PTPRD: variants seen among roughly 807,000 people sequenced by gnomAD.
PTPRD encodes the protein protein tyrosine phosphatase receptor type D.
Under a neutral mutation model 214.5 loss-of-function variants are expected in PTPRD, and 34 were observed. The ratio of observed to expected loss-of-function variants is 0.16; its 90% CI spans 0.12 to 0.21. The LOEUF (loss-of-function observed/expected upper bound fraction) is 0.21. Among genes scored for constraint, PTPRD ranks in the 10% least tolerant of loss-of-function variants. The pLI is 1.00. For missense variants in PTPRD, 2,545 were observed against 2,398.7 expected (o/e 1.06, Z -1.27); for synonymous variants, 1,128 against 845.7 (o/e 1.33, Z -5.79).
At chr9:8,836,300 A>G (rs779483973) in intron 11 of PTPRD, among the ~76,000 whole-genome samples, 1 of 152,178 alleles carries the variant, frequency 6.6e-6, no homozygotes, top group Non-Finnish European at 1.5e-5. Context: ...AGCAAACTAC[A>G]AGATATGCTC....
At chr9:10,437,366 G>A (rs2098726619) in intron 2 of PTPRD, among the ~76,000 whole-genome samples, 1 of 151,808 alleles carries the variant, frequency 6.6e-6, no homozygotes. Context: ...TCCCTCCTGA[G>A]TTTCCAGATA....
chr9:9,238,493 A>T (rs1174466772), intron 9 of PTPRD, among the ~76,000 whole-genome samples: 1 of 152,148 alleles, frequency 6.6e-6, no homozygotes, highest in Admixed American at 6.6e-5. Context: ...GGCCTCGGGC[A>T]TCTGATTCGG....
intron 10 of PTPRD, among the ~76,000 whole-genome samples, chr9:9,078,434 G>A (rs138656641): frequency 6.6e-6 from 1 of 152,174 alleles, no homozygotes; most frequent in African/African-American, 2.4e-5. Context: ...TCATATGTTT[G>A]TTATGAGGCA....
chr9:9,768,558 A>G (rs1012351464), intron 5 of PTPRD, among the ~76,000 whole-genome samples: 12 of 152,104 alleles, frequency 7.9e-5, no homozygotes, highest in Non-Finnish European at 7.4e-5. Flanking sequence ...AGAGAAATCA[A>G]AGTAAAAATG....
At chr9:9,750,430 C>G (rs556833319) in intron 6 of PTPRD, among the ~76,000 whole-genome samples, 1 of 152,230 alleles carries the variant, frequency 6.6e-6, no homozygotes, top group Admixed American at 6.5e-5. Context: ...TGCCTCTACC[C>G]CACATTCTCT....
rs1279336064 is a variant in PTPRD at position 10,231,985 on chromosome 9, AGAGAGTGT to A, written c.-545+108970_-545+108977del. Among the ~76,000 whole-genome samples the A allele has an allele frequency of 2.2e-3, 215 of 96,204 alleles. 2 individuals carry two copies. The South Asian group carries it at 0.037, about 16-fold the overall frequency. 63.1% of individuals were successfully genotyped at this position (96,204 alleles called of 152,430 possible). The stretch of plus-strand genomic sequence containing the variant: ...GAGAGAGAGAGAGAGAGAGAGAGAG[AGAGAGTGT>A]GTGTGTGTGTGTGTGTGTGTGTGTG... On this transcript the variant is annotated intron_variant, in intron 3 of 45. Coordinates refer to ENST00000381196, the MANE Select transcript of PTPRD (RefSeq NM_002839.4).
chr9:9,330,023 G>A (rs1012565101), intron 9 of PTPRD, among the ~76,000 whole-genome samples: 3 of 152,158 alleles, frequency 2.0e-5, no homozygotes, highest in Admixed American at 2.0e-4. Flanking sequence ...GACTAAACAG[G>A]CTTGACTAAA....
chr9:9,036,610 G>T (rs190573268), intron 10 of PTPRD, among the ~76,000 whole-genome samples: 145 of 152,258 alleles, frequency 9.5e-4, no homozygotes, highest in East Asian at 6.9e-3. Flanking sequence ...GTTAATAGAG[G>T]AAACTGAGTA....
intron 11 of PTPRD, among the ~76,000 whole-genome samples, chr9:8,936,427 C>CA (rs1181403459): frequency 0.29 from 9,190 of 31,630 alleles, 1,123 homozygotes; most frequent in Non-Finnish European, 0.35. Flanking sequence ...ACCCTGCCTC[C>CA]AAAAAAAAAA....
At position 9,828,300 on chromosome 9, in the gene PTPRD, T is replaced by C. The variant is rs1389520635; in HGVS notation, c.-367-61449A>G. Among the ~76,000 whole-genome samples the C allele has an allele frequency of 3.9e-5, 6 of 152,238 alleles. No homozygotes were observed. In the South Asian group the frequency reaches 8.3e-4, roughly 21 times the overall value. ...CTGGATTAAGAAAATGTGGCACATA[T>C]ACATCATGGAATACTATGCAGCCAT... On this transcript the variant is annotated intron_variant, in intron 5 of 45. Coordinates refer to ENST00000381196, the MANE Select transcript of PTPRD (RefSeq NM_002839.4).
intron 4 of PTPRD, among the ~76,000 whole-genome samples, chr9:10,032,896 T>C (rs944022610): frequency 4.6e-5 from 7 of 152,022 alleles, no homozygotes; most frequent in Non-Finnish European, 7.4e-5. Flanking sequence ...CATGATTTTA[T>C]AGCAATGTAT....
intron 9 of PTPRD, among the ~76,000 whole-genome samples, chr9:9,353,346 T>C (rs368187347): frequency 1.3e-4 from 19 of 151,990 alleles, no homozygotes; most frequent in Non-Finnish European, 2.4e-4. Context: ...AACAGAACTA[T>C]TGAACTACAG....
chr9:8,884,953 A>G (rs1163201743), intron 11 of PTPRD, among the ~76,000 whole-genome samples: 1 of 152,178 alleles, frequency 6.6e-6, no homozygotes, highest in African/African-American at 2.4e-5. Flanking sequence ...TCCAGTGAGG[A>G]TGATGTAAAG....
At chr9:9,941,637 AT>A in intron 4 of PTPRD, among the ~76,000 whole-genome samples, 1 of 152,304 alleles carries the variant, frequency 6.6e-6, no homozygotes, top group East Asian at 1.9e-4. Context: ...GTGTATATCT[AT>A]AATAAATTTG....
chr9:9,124,290 A>G (rs1304071041), intron 10 of PTPRD, among the ~76,000 whole-genome samples: 2 of 152,196 alleles, frequency 1.3e-5, no homozygotes, highest in Non-Finnish European at 2.9e-5. Context: ...ATTAAGTGTT[A>G]CTTACATATA....
intron 5 of PTPRD, among the ~76,000 whole-genome samples, chr9:9,878,614 G>A (rs76904675): frequency 0.041 from 6,224 of 152,192 alleles, 367 homozygotes; most frequent in African/African-American, 0.14. Flanking sequence ...TAAGTCCTGC[G>A]TACATTGCTG....
chr9:10,232,030 G>GTGTGTGTGA (rs1554905856), intron 3 of PTPRD, among the ~76,000 whole-genome samples: 1 of 135,516 alleles, frequency 7.4e-6, no homozygotes. Context: ...GTGTGTGTGA[G>GTGTGTGTGA]GTGCACTCTG....
At chr9:9,299,729 A>T (rs1407459813) in intron 9 of PTPRD, among the ~76,000 whole-genome samples, 1 of 151,430 alleles carries the variant, frequency 6.6e-6, no homozygotes, top group African/African-American at 2.4e-5. Flanking sequence ...TATTTTCTCC[A>T]TTTTATGTTT....
chr9:10,574,792 C>A (rs1196539081), intron 2 of PTPRD, among the ~76,000 whole-genome samples: 1 of 128,774 alleles, frequency 7.8e-6, no homozygotes. Context: ...TATACACACA[C>A]ATCAAATAGA....
Sources: gnomAD v4.1 joint callset for allele counts (sites outside exome capture counted in the v4.1 genomes callset) on GRCh38, gnomAD v4.1.1 for gene constraint, MANE v1.5 for transcripts, NCBI Gene and HGNC (gene_info 2026-07-23, HGNC 2026-07-21) for gene names.